Variants in MLIP observed in about 807,000 individuals in gnomAD.
MLIP encodes the protein muscular LMNA-interacting protein.
A neutral mutation model predicts 84.8 loss-of-function variants in MLIP; 79 were observed. The ratio of observed to expected loss-of-function variants is 0.93; its 90% CI spans 0.78 to 1.12. The LOEUF is 1.12. MLIP is among the 50% of genes most tolerant of loss of function. The pLI is 0.00. For missense variants in MLIP, 1,257 were observed against 1,160.6 expected (o/e 1.08, Z -1.21); for synonymous variants, 504 against 463.0 (o/e 1.09, Z -1.14).
chr6:54,224,206 T>A (rs1487734790), intron 11 of MLIP, among the ~76,000 whole-genome samples: 1 of 151,870 alleles, frequency 6.6e-6, no homozygotes, highest in Non-Finnish European at 1.5e-5. Context: ...AACTGTTAGT[T>A]AAACAGATCA....
chr6:54,209,745 G>A (rs1024760264), intron 11 of MLIP, among the ~76,000 whole-genome samples: 1 of 151,922 alleles, frequency 6.6e-6, no homozygotes, highest in Non-Finnish European at 1.5e-5. Context: ...TTTCATCATA[G>A]AAAACATGTT....
intron 11 of MLIP, among the ~76,000 whole-genome samples, chr6:54,227,109 A>T (rs2150789528): frequency 6.6e-6 from 1 of 152,200 alleles, no homozygotes; most frequent in African/African-American, 2.4e-5. Context: ...AGGTTGTTTA[A>T]TATGTGTAGC....
At chr6:54,222,019 C>T (rs1227959742) in intron 11 of MLIP, among the ~76,000 whole-genome samples, 1 of 151,864 alleles carries the variant, frequency 6.6e-6, no homozygotes, top group African/African-American at 2.4e-5. Context: ...AGAGGAAATT[C>T]AGAATAAAAT....
intron 1 of MLIP, among the ~76,000 whole-genome samples, chr6:54,028,170 T>C (rs1202347633): frequency 6.6e-6 from 1 of 152,192 alleles, no homozygotes; most frequent in Non-Finnish European, 1.5e-5. Context: ...CAATTGCTGG[T>C]CTTTTGTTAT....
In MLIP at chr6:54,209,996, A is replaced by T. The variant is rs1418816070; in HGVS notation, c.2718+7763A>T. 6.0e-5 allele frequency among the ~76,000 whole-genome samples: 9 copies of T among 150,052 alleles called. No individual in the cohort carries two copies. In the East Asian group the frequency reaches 1.8e-3, roughly 29 times the overall value. On this transcript the variant is annotated intron_variant, in intron 11 of 13. Coordinates refer to ENST00000502396, the MANE Select transcript of MLIP (RefSeq NM_001281747.2). ...TGAAAGCCTTTTTCTTCTTTGATTT[A>T]AAAAAATTAACTATACAGTTAATGG...
At chr6:54,126,288 C>A (rs1289169478) in intron 3 of MLIP, among the ~76,000 whole-genome samples, 1 of 151,918 alleles carries the variant, frequency 6.6e-6, no homozygotes, top group Non-Finnish European at 1.5e-5. Flanking sequence ...ACTCTTTCTC[C>A]AACTGATAGT....
At chr6:54,085,867 C>T (rs753448591) in intron 1 of MLIP, among the ~76,000 whole-genome samples, 1 of 152,178 alleles carries the variant, frequency 6.6e-6, no homozygotes, top group Non-Finnish European at 1.5e-5. Context: ...GCAGTCTCAT[C>T]AGGCTATGAA....
intron 1 of MLIP, among the ~76,000 whole-genome samples, chr6:54,075,221 T>C: frequency 8.5e-6 from 1 of 117,452 alleles, no homozygotes; most frequent in Non-Finnish European, 1.6e-5. Flanking sequence ...CACTCCAGCC[T>C]AGGCAACAAG....
chr6:54,160,666 T>C (rs1356574432), intron 7 of MLIP, 67 bp downstream of exon 7: 4 of 1,500,246 alleles, frequency 2.7e-6, no homozygotes, highest in Admixed American at 3.4e-5. Context: ...TCCTCTACTT[T>C]AGTATGATGC....
In MLIP at chr6:54,138,162, C is replaced by T; in HGVS notation, c.2093C>T (p.Thr698Ile). 6.5e-7 allele frequency: 1 copy of T among 1,536,104 alleles called. No individual in the cohort carries two copies. Among genetic ancestry groups the T allele is most frequent in the Non-Finnish European group, 8.7e-7 (1 of 1,146,880 alleles). Reference protein sequence around the residue: ...LPSRLGKSESTTPNHRSPVST... With the variant: ...LPSRLGKSESITPNHRSPVST... ...TCAAGACTTGGGAAATCTGAAAGCA[C>T]CACCCCCAACCACAGGTCACCTGTT... The change falls in exon 4 of 14, where the codon ACC becomes ATC. Residue 698 changes from threonine (T) to isoleucine (I), a missense_variant. By Grantham distance (89) the Thr-to-Ile change is moderately conservative. Coordinates refer to ENST00000502396, the MANE Select transcript of MLIP (RefSeq NM_001281747.2).
intron 12 of MLIP, among the ~76,000 whole-genome samples, chr6:54,243,511 T>A (rs1781877138): frequency 6.6e-6 from 1 of 152,148 alleles, no homozygotes; most frequent in Admixed American, 6.6e-5. Flanking sequence ...AGGAACATAT[T>A]TAGAAAAAGT....
At chr6:54,186,476 A>T (rs1777404411) in intron 9 of MLIP, among the ~76,000 whole-genome samples, 1 of 152,210 alleles carries the variant, frequency 6.6e-6, no homozygotes, top group Admixed American at 6.5e-5. Context: ...GCCCATTTTC[A>T]TACTGCTATA....
chr6:54,043,178 G>T (rs567136010), intron 1 of MLIP, among the ~76,000 whole-genome samples: 1 of 152,174 alleles, frequency 6.6e-6, no homozygotes, highest in Non-Finnish European at 1.5e-5. Flanking sequence ...GTGGGAACAA[G>T]TTCTCCCAAA....
intron 9 of MLIP, among the ~76,000 whole-genome samples, chr6:54,175,113 G>A (rs1042344217): frequency 3.9e-5 from 6 of 151,944 alleles, no homozygotes; most frequent in African/African-American, 1.5e-4. Context: ...CTATGTGTCT[G>A]TTTTTATGCC....
chr6:54,179,551 T>G (rs976107901), intron 9 of MLIP, among the ~76,000 whole-genome samples: 3 of 152,150 alleles, frequency 2.0e-5, no homozygotes, highest in African/African-American at 7.2e-5. Flanking sequence ...TTTGCTTTTT[T>G]ATTTTTTGTG....
chr6:54,261,602 A>G, intron 13 of MLIP: 2 of 985,210 alleles, frequency 2.0e-6, no homozygotes, highest in Non-Finnish European at 2.4e-6. Flanking sequence ...GTGGTATATA[A>G]GCTTTCTGAG....
chr6:54,094,381 A>G (rs1184993515), intron 1 of MLIP, among the ~76,000 whole-genome samples: 1 of 152,140 alleles, frequency 6.6e-6, no homozygotes, highest in Non-Finnish European at 1.5e-5. Context: ...TGTTGCATAA[A>G]GCAGCCTCAG....
At chr6:54,187,617 T>C (rs1777519945) in intron 9 of MLIP, among the ~76,000 whole-genome samples, 1 of 152,136 alleles carries the variant, frequency 6.6e-6, no homozygotes, top group Admixed American at 6.5e-5. Flanking sequence ...ATCAGGCTTA[T>C]ATGCAAAAAC....
intron 11 of MLIP, among the ~76,000 whole-genome samples, chr6:54,226,651 A>T (rs1009821215): frequency 6.6e-6 from 1 of 152,170 alleles, no homozygotes; most frequent in African/African-American, 2.4e-5. Flanking sequence ...CAAACAAACA[A>T]ACAAACAAAC....
Sources: gnomAD v4.1 joint callset for allele counts (sites outside exome capture counted in the v4.1 genomes callset) on GRCh38, gnomAD v4.1.1 for gene constraint, MANE v1.5 for transcripts, NCBI Gene and HGNC (gene_info 2026-07-23, HGNC 2026-07-21) for gene names.